TMTC1: variants seen among roughly 807,000 people sequenced by gnomAD.
The protein encoded by TMTC1 is protein O-mannosyl-transferase TMTC1.
TMTC1 carries 73 observed loss-of-function variants against 104.8 expected under a neutral mutation model. The ratio of observed to expected loss-of-function variants is 0.70; its 90% CI spans 0.58 to 0.85. TMTC1 has a LOEUF of 0.85. Ranked by LOEUF, TMTC1 falls within the 40% of genes least tolerant of loss-of-function variation. The probability of loss-of-function intolerance (pLI) is 0.00; values close to 1 mark genes in which losing one functional copy is unlikely to be tolerated. For missense variants in TMTC1, 1,035 were observed against 1,096.1 expected (o/e 0.94, Z 0.79); for synonymous variants, 434 against 428.7 (o/e 1.01, Z -0.15).
At chr12:29,648,432 G>A (rs1326938133) in intron 5 of TMTC1, among the ~76,000 whole-genome samples, 1 of 151,960 alleles carries the variant, frequency 6.6e-6, no homozygotes, top group Non-Finnish European at 1.5e-5. Flanking sequence ...TTTCAGATGA[G>A]AATCAAATTC....
rs537389118 is a variant in TMTC1 at position 29,682,484 on chromosome 12, T to C, written c.939-49148A>G. ...GCGCAAAACTGAAAGAAAAAAAATT[T>C]ACTAAAAAAAACCAAAATGTACCAC... is the stretch of plus-strand genomic sequence containing the variant. On this transcript the variant is annotated intron_variant, in intron 5 of 17. Coordinates refer to ENST00000539277, the MANE Select transcript of TMTC1 (RefSeq NM_001193451.2). Among the ~76,000 whole-genome samples, 4 of 152,210 alleles carry C rather than the reference T, an allele frequency of 2.6e-5. No homozygotes were observed. The East Asian group carries it at 7.7e-4, about 29-fold the overall frequency.
intron 5 of TMTC1, among the ~76,000 whole-genome samples, chr12:29,643,090 G>C (rs776460598): frequency 7.9e-5 from 12 of 151,980 alleles, no homozygotes; most frequent in Non-Finnish European, 1.6e-4. Flanking sequence ...AAACCACAAT[G>C]TGATACCGCC....
intron 10 of TMTC1, among the ~76,000 whole-genome samples, chr12:29,545,513 G>A (rs1944915037): frequency 6.6e-6 from 1 of 152,036 alleles, no homozygotes; most frequent in Non-Finnish European, 1.5e-5. Flanking sequence ...AGTGGCTCAT[G>A]CCTGTAGTCC....
chr12:29,688,272 T>C (rs900485057), intron 5 of TMTC1, among the ~76,000 whole-genome samples: 10 of 152,174 alleles, frequency 6.6e-5, no homozygotes, highest in African/African-American at 2.2e-4. Context: ...CCCATCTCTC[T>C]AAATATCTAA....
chr12:29,670,666 T>C (rs1338558779), intron 5 of TMTC1, among the ~76,000 whole-genome samples: 1 of 152,224 alleles, frequency 6.6e-6, no homozygotes, highest in Non-Finnish European at 1.5e-5. Flanking sequence ...TGGTGGCTCA[T>C]GCCTGTGATC....
intron 8 of TMTC1, among the ~76,000 whole-genome samples, chr12:29,574,340 CTATACTAAGCCT>C: frequency 6.6e-6 from 1 of 152,016 alleles, no homozygotes; most frequent in Admixed American, 6.6e-5. Flanking sequence ...TAACCTTTCC[CTATACTAAGCCT>C]GGGCCAGTTT....
At chr12:29,750,716 A>C (rs1555195976) in intron 5 of TMTC1, among the ~76,000 whole-genome samples, 1 of 152,230 alleles carries the variant, frequency 6.6e-6, no homozygotes, top group Non-Finnish European at 1.5e-5. Context: ...TCCATATGTT[A>C]AACTAATTGA....
intron 5 of TMTC1, among the ~76,000 whole-genome samples, chr12:29,704,271 T>A (rs1221575286): frequency 1.3e-5 from 2 of 152,162 alleles, no homozygotes; most frequent in Non-Finnish European, 2.9e-5. Context: ...CTAATTACAA[T>A]AAAATAGAAA....
rs1288408534 is a variant in TMTC1, at chr12:29,514,596, A to C, written c.2316T>G (p.Asp772Glu). The change falls in exon 16 of 18, where the codon GAT (aspartate) becomes GAG (glutamate). Residue 772 changes from aspartate (D) to glutamate (E), a missense_variant. Coordinates refer to ENST00000539277, the MANE Select transcript of TMTC1 (RefSeq NM_001193451.2). Reference sequence around the variant, plus strand: ...TCAGCTGGAGAGCCTTGTCTATAGCATCAAGTGCCTGCAGAGGTTGGAAAT... The same window carrying C: ...TCAGCTGGAGAGCCTTGTCTATAGCCTCAAGTGCCTGCAGAGGTTGGAAAT... ...SKQENHDKAL[D>E]AIDKALQLKP... The C allele has an allele frequency of 1.2e-6, 2 of 1,611,548 alleles. No individual in the cohort carries two copies. Among genetic ancestry groups the C allele is most frequent in the Non-Finnish European group, 1.7e-6 (2 of 1,179,420 alleles).
rs144646917 is a variant in TMTC1 at position 29,753,964 on chromosome 12, T to C, written c.731+1745A>G. Among the ~76,000 whole-genome samples the C allele has an allele frequency of 5.0e-3, 759 of 152,312 alleles. 6 individuals carry two copies. Among genetic ancestry groups the C allele is most frequent in the African/African-American group, 0.018 (728 of 41,570 alleles). On this transcript the variant is annotated intron_variant, in intron 4 of 17. Coordinates refer to ENST00000539277, the MANE Select transcript of TMTC1 (RefSeq NM_001193451.2). ...TCACTGCAATGTCCGACTCCCTGGT[T>C]CAAGCAATTCTCCTTCCTCAGCCTC...
chr12:29,565,204 A>T lies in TMTC1; in HGVS notation c.1532+6901T>A, dbSNP rs1945477639. Among the ~76,000 whole-genome samples, 4 of 152,182 alleles carry T rather than the reference A, an allele frequency of 2.6e-5. No individual in the cohort carries two copies. The South Asian group carries it at 8.3e-4, about 32-fold the overall frequency. On this transcript the variant is annotated intron_variant, in intron 9 of 17. Coordinates refer to ENST00000539277, the MANE Select transcript of TMTC1 (RefSeq NM_001193451.2). The stretch of plus-strand genomic sequence containing the variant: ...TGTGGGTAGGATTTTCTCTCCTTCC[A>T]GGGAAGTCTGTCTTTTTCTGTTAAG...
chr12:29,534,521 A>G (rs1944589545), intron 11 of TMTC1: 1 of 152,376 alleles, frequency 6.6e-6, no homozygotes, highest in South Asian at 2.1e-4. Context: ...ATAACTTGAT[A>G]GCAATTTGCC....
At chr12:29,621,933 AT>A (rs1168268511) in intron 6 of TMTC1, among the ~76,000 whole-genome samples, 1 of 151,674 alleles carries the variant, frequency 6.6e-6, no homozygotes, top group Admixed American at 6.6e-5. Flanking sequence ...CAGGTTGCAG[AT>A]TTTTCCCCAC....
At chr12:29,582,771 A>G (rs1404904327) in intron 8 of TMTC1, among the ~76,000 whole-genome samples, 1 of 152,246 alleles carries the variant, frequency 6.6e-6, no homozygotes, top group Non-Finnish European at 1.5e-5. Flanking sequence ...CAATCAGGTC[A>G]TAAGTGAGGA....
At chr12:29,553,273 C>T (rs1050737526) in intron 10 of TMTC1, among the ~76,000 whole-genome samples, 1 of 152,178 alleles carries the variant, frequency 6.6e-6, no homozygotes, top group African/African-American at 2.4e-5. Flanking sequence ...TTGGTTTCCT[C>T]ACCGGTAAAA....
At chr12:29,658,137 A>G (rs537147437) in intron 5 of TMTC1, among the ~76,000 whole-genome samples, 62 of 152,118 alleles carry the variant, frequency 4.1e-4, no homozygotes, top group African/African-American at 1.4e-3. Context: ...GAAATCTAAC[A>G]ATCTGTTGTC....
chr12:29,778,655 A>T (rs1048397899), intron 1 of TMTC1, among the ~76,000 whole-genome samples: 4 of 152,384 alleles, frequency 2.6e-5, no homozygotes, highest in African/African-American at 9.6e-5. Flanking sequence ...TCTTATGAAA[A>T]GACTGAATCT....
At chr12:29,619,508 G>T (rs1273323536) in intron 6 of TMTC1, among the ~76,000 whole-genome samples, 1 of 152,212 alleles carries the variant, frequency 6.6e-6, no homozygotes, top group East Asian at 1.9e-4. Flanking sequence ...CTGAACAAAG[G>T]GTTGCATTTC....
intron 5 of TMTC1, among the ~76,000 whole-genome samples, chr12:29,701,209 CCACT>C (rs1591946839): frequency 1.3e-5 from 2 of 152,076 alleles, no homozygotes; most frequent in Admixed American, 1.3e-4. Context: ...CCATGGGAAT[CCACT>C]CAAAGAGAAC....
Sources: allele counts gnomAD v4.1 joint callset (sites outside exome capture counted in the v4.1 genomes callset), GRCh38; gene constraint gnomAD v4.1.1; transcripts MANE v1.5; gene names NCBI Gene and HGNC (gene_info 2026-07-23, HGNC 2026-07-21).